The following FBXL17 variants were observed in gnomAD, a reference collection of about 807,000 sequenced individuals.
FBXL17 encodes F-box and leucine rich repeat protein 17, also known as F-box/LRR-repeat protein 17.
A neutral mutation model predicts 66.2 loss-of-function variants in FBXL17; 22 were observed. The observed-to-expected ratio is 0.33, with a 90% confidence interval of 0.24 to 0.47. The LOEUF (loss-of-function observed/expected upper bound fraction) is 0.47. Ranked by LOEUF, FBXL17 falls within the 20% of genes least tolerant of loss-of-function variation. The pLI, the probability that FBXL17 is intolerant of heterozygous loss-of-function variation, is 1.00. For missense variants in FBXL17, 878 were observed against 948.2 expected (o/e 0.93, Z 0.97); for synonymous variants, 474 against 400.5 (o/e 1.18, Z -2.19).
intron 7 of FBXL17, among the ~76,000 whole-genome samples, chr5:107,996,722 T>G (rs1753486656): frequency 1.3e-5 from 2 of 152,148 alleles, no homozygotes. Flanking sequence ...ACAGTCCAAT[T>G]TACAGTGAAG....
rs77371014 is a variant in FBXL17 at position 107,997,232 on chromosome 5, T to C, written c.1822+23693A>G. 2.2e-3 allele frequency among the ~76,000 whole-genome samples: 333 copies of C among 152,340 alleles called. 9 individuals carry two copies. The East Asian group carries it at 0.055, about 25-fold the overall frequency. ...AACATAGGCAAATACTCTAGGTATA[T>C]TTCTTTATCAGTATAATACTAATAA... On this transcript the variant is annotated intron_variant, in intron 7 of 8. Transcript: ENST00000542267.
At chr5:108,188,757 G>A (rs114599359) in intron 5 of FBXL17, among the ~76,000 whole-genome samples, 1,734 of 152,152 alleles carry the variant, frequency 0.011, 49 homozygotes, top group African/African-American at 0.039. Flanking sequence ...ACTAAGCCCA[G>A]GGCTCAAAGG....
intron 6 of FBXL17, among the ~76,000 whole-genome samples, chr5:108,151,434 C>G (rs1262731775): frequency 6.6e-6 from 1 of 152,176 alleles, no homozygotes; most frequent in Non-Finnish European, 1.5e-5. Context: ...TTGTCTGTCA[C>G]ATCTCCAGTG....
At chr5:108,283,601 C>G (rs1757785339) in intron 4 of FBXL17, among the ~76,000 whole-genome samples, 1 of 151,912 alleles carries the variant, frequency 6.6e-6, no homozygotes, top group Non-Finnish European at 1.5e-5. Flanking sequence ...CTAGGGAAAA[C>G]TCTTCTGGAC....
chr5:107,870,397 G>C lies in FBXL17; in HGVS notation c.1966-8537C>G, dbSNP rs181394723. On this transcript the variant is annotated intron_variant, in intron 8 of 8. Coordinates refer to ENST00000542267, the MANE Select transcript of FBXL17 (RefSeq NM_001163315.3). ...TCTTTGAAAGTGGTAAAAATGGACT[G>C]GCTTCCTCTTCTTCAGCATCAAGTC... 4.5e-3 allele frequency among the ~76,000 whole-genome samples: 685 copies of C among 152,214 alleles called. 5 individuals carry two copies. The highest frequency in any genetic ancestry group is 0.014 in the African/African-American group (597 of 41,520).
intron 7 of FBXL17, among the ~76,000 whole-genome samples, chr5:107,899,771 A>C (rs1016984891): frequency 6.6e-5 from 10 of 152,148 alleles, no homozygotes; most frequent in Non-Finnish European, 1.2e-4. Context: ...GGAGAACTGT[A>C]TTTACCATTG....
chr5:107,884,956 G>A (rs1171583887), intron 7 of FBXL17, among the ~76,000 whole-genome samples: 1 of 152,130 alleles, frequency 6.6e-6, no homozygotes, highest in East Asian at 1.9e-4. Context: ...AAAACTCTGG[G>A]CAAATGATAG....
At chr5:108,223,131 T>C (rs1194942494) in intron 5 of FBXL17, among the ~76,000 whole-genome samples, 1 of 152,156 alleles carries the variant, frequency 6.6e-6, no homozygotes, top group Non-Finnish European at 1.5e-5. Context: ...TCTGAGGTTA[T>C]AATGGCGCCC....
chr5:108,238,681 T>G (rs1012946921), intron 4 of FBXL17, among the ~76,000 whole-genome samples: 4 of 151,984 alleles, frequency 2.6e-5, no homozygotes, highest in African/African-American at 9.7e-5. Flanking sequence ...AGGCTAATAT[T>G]CTTTTTTTTG....
At chr5:108,080,898 A>C (rs1402718503) in intron 6 of FBXL17, among the ~76,000 whole-genome samples, 1 of 152,208 alleles carries the variant, frequency 6.6e-6, no homozygotes, top group East Asian at 1.9e-4. Context: ...AATGTCTCTT[A>C]CCAGACCTAA....
At chr5:108,190,630 T>C (rs957836932) in intron 5 of FBXL17, among the ~76,000 whole-genome samples, 2 of 152,164 alleles carry the variant, frequency 1.3e-5, no homozygotes, top group African/African-American at 4.8e-5. Flanking sequence ...GATTTTGCAT[T>C]AGGGCTAGAT....
intron 8 of FBXL17, among the ~76,000 whole-genome samples, chr5:107,865,134 C>G (rs1369937650): frequency 6.6e-6 from 1 of 152,202 alleles, no homozygotes; most frequent in East Asian, 1.9e-4. Context: ...AGAAAACATT[C>G]AAAACCACTG....
chr5:107,915,989 T>C (rs1750113370), intron 7 of FBXL17, among the ~76,000 whole-genome samples: 2 of 152,332 alleles, frequency 1.3e-5, no homozygotes, highest in Admixed American at 1.3e-4. Flanking sequence ...GTATAAAGAT[T>C]CATTTAATAC....
intron 4 of FBXL17, among the ~76,000 whole-genome samples, chr5:108,287,545 C>T (rs1757947523): frequency 6.7e-6 from 1 of 149,270 alleles, no homozygotes; most frequent in Non-Finnish European, 1.5e-5. Flanking sequence ...TTAGAGAATG[C>T]AAAGAAAAAC....
chr5:107,860,121 G>A lies in FBXL17; in HGVS notation c.*1599C>T, dbSNP rs140255486. On this transcript the variant is annotated 3_prime_UTR_variant, in exon 9 of 9. Coordinates refer to ENST00000542267, the MANE Select transcript of FBXL17 (RefSeq NM_001163315.3). ...CATGTTGACATAATCAAAGGAAACA[G>A]TTGTTTACAAAAAAAGAGAATCATT... 2.9e-4 allele frequency: 44 copies of A among 152,294 alleles called. No individual in the cohort carries two copies. In the East Asian group the frequency reaches 7.9e-3, roughly 27 times the overall value. 9.4% of individuals were successfully genotyped at this position (152,294 alleles called of 1,614,324 possible). A position where few individuals can be genotyped will look rare whatever the true frequency, so the allele number is the denominator to read the frequency against.
chr5:108,053,782 C>A (rs1580378045), intron 6 of FBXL17, among the ~76,000 whole-genome samples: 1 of 152,076 alleles, frequency 6.6e-6, no homozygotes. Context: ...AAGGAATATA[C>A]ATCATTCTAC....
chr5:108,379,826 G>A (rs962644942), intron 1 of FBXL17, among the ~76,000 whole-genome samples: 3 of 152,118 alleles, frequency 2.0e-5, no homozygotes, highest in Admixed American at 2.0e-4. Context: ...AATATTCTTG[G>A]TAGTTGAAAA....
chr5:108,319,287 C>T (rs528352860), intron 4 of FBXL17, among the ~76,000 whole-genome samples: 1 of 151,720 alleles, frequency 6.6e-6, no homozygotes, highest in South Asian at 2.1e-4. Flanking sequence ...AATTATGTAC[C>T]ATCTGAAATT....
chr5:107,880,046 G>T, intron 8 of FBXL17: 1 of 374,732 alleles, frequency 2.7e-6, no homozygotes, highest in Non-Finnish European at 3.7e-6. Flanking sequence ...AACACCTGTG[G>T]AGTGCCTGGT....
Sources: gnomAD v4.1 joint callset for allele counts (sites outside exome capture counted in the v4.1 genomes callset) on GRCh38, gnomAD v4.1.1 for gene constraint, MANE v1.5 for transcripts, NCBI Gene and HGNC (gene_info 2026-07-23, HGNC 2026-07-21) for gene names.